The following ZNF121 variants were observed in gnomAD, a reference collection of about 807,000 sequenced individuals.
ZNF121 encodes zinc finger protein 121, also known as zinc finger protein 121 (clone ZHC32).
A neutral mutation model predicts 2.4 loss-of-function variants in ZNF121; 1 was observed. The observed-to-expected ratio is 0.41, with a 90% CI of 0.15 to 1.94. The LOEUF (loss-of-function observed/expected upper bound fraction) is 1.94. Ranked by LOEUF, ZNF121 falls within the 30% of genes most tolerant of loss-of-function variation. The probability of loss-of-function intolerance (pLI) is 0.30; values close to 1 mark genes in which losing one functional copy is unlikely to be tolerated. For synonymous variants in ZNF121, 173 were observed against 158.6 expected, an observed-to-expected ratio of 1.09 and a Z score of -0.68; for missense variants, 369 against 466.3, an observed-to-expected ratio of 0.79 and a Z score of 1.92.
At chr19:9,570,403 G>A (rs545861945) in intron 1 of ZNF121, among the ~76,000 whole-genome samples, 38 of 152,020 alleles carry the variant, frequency 2.5e-4, no homozygotes, top group Non-Finnish European at 4.3e-4. Context: ...CCACTCCCCC[G>A]CCCTTTGTTG....
intron 1 of ZNF121, among the ~76,000 whole-genome samples, chr19:9,571,848 C>T (rs1350279227): frequency 2.0e-5 from 3 of 152,130 alleles, no homozygotes; most frequent in East Asian, 1.9e-4. Context: ...TTCAAACTCC[C>T]GGGCTCAAGC....
intron 1 of ZNF121, among the ~76,000 whole-genome samples, chr19:9,572,730 C>T (rs2074182757): frequency 6.6e-6 from 1 of 152,156 alleles, no homozygotes; most frequent in African/African-American, 2.4e-5. Flanking sequence ...AAGATTCCAT[C>T]TAGTGCTGAA....
chr19:9,582,977 A>T (rs1239294159), intron 1 of ZNF121, among the ~76,000 whole-genome samples: 1 of 138,322 alleles, frequency 7.2e-6, no homozygotes, highest in African/African-American at 2.8e-5. Flanking sequence ...GCTCTTTGGG[A>T]GGCCGTCAGG....
Position 9,569,838 on chromosome 19 carries a change from C to CTT in ZNF121, c.-159-758_-159-757dup, listed in dbSNP as rs752091749. ...GTGAGCCACCACGCCTGGCCGAGAT[C>CTT]TTTTTTTTTTTTTTTTTTTTTACGA... is the stretch of plus-strand genomic sequence containing the variant. On this transcript the variant is annotated intron_variant, in intron 1 of 3. Transcript: ENST00000320451. 7.1e-3 allele frequency among the ~76,000 whole-genome samples: 831 copies of CTT among 117,630 alleles called. 9 individuals are homozygous for CTT. The highest frequency in any genetic ancestry group is 0.024 in the African/African-American group (779 of 32,992). The allele number at this position is 117,630 out of a possible 152,430, so 77.2% of individuals were successfully genotyped here.
chr19:9,573,605 AT>A (rs2074189107), intron 1 of ZNF121, among the ~76,000 whole-genome samples: 1 of 152,222 alleles, frequency 6.6e-6, no homozygotes, highest in Non-Finnish European at 1.5e-5. Context: ...AAATAACAAG[AT>A]TCCAAAAATT....
rs1028011029 is a variant in ZNF121, at chr19:9,564,841, A to G, written c.*1099T>C. 1.3e-5 allele frequency: 2 copies of G among 152,346 alleles called. No homozygotes were observed. The highest frequency in any genetic ancestry group is 2.9e-5 in the Non-Finnish European group (2 of 68,046). 9.4% of individuals were successfully genotyped at this position (152,346 alleles called of 1,614,324 possible). On this transcript the variant is annotated 3_prime_UTR_variant, in exon 4 of 4. Transcript: ENST00000320451. ...CATGTAATGAAGAGTCAATCAATGC[A>G]GCAATCTTCACTGCTGTCTTATTTT...
At chr19:9,568,061 T>C (rs373702031) in intron 3 of ZNF121, 34 bp downstream of exon 3, 16 of 1,536,426 alleles carry the variant, frequency 1.0e-5, no homozygotes, top group Non-Finnish European at 1.4e-5. Context: ...CCAATCTTTT[T>C]TTGAGTGTGG....
chr19:9,570,660 G>A (rs1464397209), intron 1 of ZNF121, among the ~76,000 whole-genome samples: 1 of 152,058 alleles, frequency 6.6e-6, no homozygotes, highest in Non-Finnish European at 1.5e-5. Flanking sequence ...TCCGCCTCCT[G>A]GGTTAAAGCG....
Position 9,565,977 on chromosome 19 carries a change from C to A in ZNF121, c.1136G>T (p.Arg379Ile). ...TAAATGTTTAGTAAGTAAATAAAATCTATTGTAGGCTTTCCCACATTCGTT... is the reference window on the plus strand; with the variant it reads ...TAAATGTTTAGTAAGTAAATAAAATATATTGTAGGCTTTCCCACATTCGTT... ...ICNECGKAYNRFYLLTKHLKT... is the reference protein window; with the variant it reads ...ICNECGKAYNIFYLLTKHLKT... Residue 379 changes from arginine to isoleucine, a missense_variant, in exon 4 of 4, where the codon AGA becomes ATA. By Grantham distance (97) the Arg-to-Ile change is moderately conservative. Around this residue, in one of 4 missense-constraint regions of ZNF121, gnomAD observed 127 missense variants for 169.9 expected, o/e 0.75. Coordinates refer to ENST00000320451, the MANE Select transcript of ZNF121 (RefSeq NM_001008727.5). 6.3e-7 allele frequency: 1 copy of A among 1,578,454 alleles called. No individual in the cohort carries two copies. The highest frequency in any genetic ancestry group is 8.6e-7 in the Non-Finnish European group (1 of 1,163,574).
chr19:9,563,052 C>CAAAAAAAAA lies in ZNF121; in HGVS notation c.*2879_*2887dup, dbSNP rs534403872. ...CCTGGGCAAAAGGGAGACCATGTCT[C>CAAAAAAAAA]AAAAAAAAAAAAAAAAAAAAAACTG... is the stretch of plus-strand genomic sequence containing the variant. On this transcript the variant is annotated 3_prime_UTR_variant, in exon 4 of 4. Transcript: ENST00000320451. 1.6e-5 allele frequency: 1 copy of CAAAAAAAAA among 64,330 alleles called. No individual in the cohort carries two copies. Among genetic ancestry groups the CAAAAAAAAA allele is most frequent in the African/African-American group, 5.3e-5 (1 of 18,712 alleles). 4.0% of individuals were successfully genotyped at this position (64,330 alleles called of 1,614,324 possible). A position where few individuals can be genotyped will look rare whatever the true frequency, so the allele number is the denominator to read the frequency against.
At position 9,568,044 on chromosome 19, in the gene ZNF121, T is replaced by A. The variant is rs551157677; in HGVS notation, c.3+51A>T. On this transcript the variant is annotated intron_variant, in intron 3 of 3. Transcript: ENST00000320451. ...TCTCATTTTTGCTGATTTTTTATAATTGAATCCCAATCTTTTTTTGAGTGT... is the reference window on the plus strand; with the variant it reads ...TCTCATTTTTGCTGATTTTTTATAAATGAATCCCAATCTTTTTTTGAGTGT... The A allele has an allele frequency of 2.4e-5, 36 of 1,518,008 alleles. No individual in the cohort carries two copies. The South Asian group carries it at 4.2e-4, about 18-fold the overall frequency. The allele number at this position is 1,518,008 out of a possible 1,614,324, so 94.0% of individuals were successfully genotyped here. A position where few individuals can be genotyped will look rare whatever the true frequency, so the allele number is the denominator to read the frequency against.
rs1209551073 is a variant in ZNF121 at position 9,561,456 on chromosome 19, C to G, written c.*4484G>C. On this transcript the variant is annotated 3_prime_UTR_variant, in exon 4 of 4. Coordinates refer to ENST00000320451, the MANE Select transcript of ZNF121 (RefSeq NM_001008727.5). ...TGGAAAAATATGTGCATCAAATTTA[C>G]AGTAGCTAACTACACCCCATAGATT... is the stretch of plus-strand genomic sequence containing the variant. The G allele has an allele frequency of 6.6e-6, 1 of 152,156 alleles. No homozygotes were observed. Among genetic ancestry groups the G allele is most frequent in the Non-Finnish European group, 1.5e-5 (1 of 68,030 alleles). The allele number at this position is 152,156 out of a possible 1,614,324, so 9.4% of individuals were successfully genotyped here. A position where few individuals can be genotyped will look rare whatever the true frequency, so the allele number is the denominator to read the frequency against.
chr19:9,567,617 TA>T, intron 3 of ZNF121: 1 of 307,976 alleles, frequency 3.2e-6, no homozygotes, highest in Non-Finnish European at 6.6e-6. Context: ...TATTACATTG[TA>T]ATATATAATG....
In ZNF121 at chr19:9,567,003, T is replaced by A; in HGVS notation, c.110A>T (p.Asp37Val). ...TCCATACTCATCACAGTCATAAGTG[T>A]CCCCTGTATTTTCAGTTCCCATGTG... ...NAHMGTENTG[D>V]TYDCDEYGEN... Residue 37 changes from aspartate to valine, a missense_variant, in exon 4 of 4, where the codon GAC becomes GTC. Physicochemically the swap from Asp to Val is radical, Grantham distance 152. This residue lies in a region of ZNF121 where 168 missense variants were observed against 162.3 expected (regional missense o/e 1.03). Transcript: ENST00000320451. 6 of 1,614,162 alleles carry A rather than the reference T, an allele frequency of 3.7e-6. No homozygotes were observed. Among genetic ancestry groups the A allele is most frequent in the Non-Finnish European group, 5.1e-6 (6 of 1,180,028 alleles).
intron 1 of ZNF121, among the ~76,000 whole-genome samples, chr19:9,570,131 A>G (rs574711949): frequency 1.3e-5 from 2 of 152,114 alleles, no homozygotes; most frequent in African/African-American, 4.8e-5. Context: ...GCTTTTACTC[A>G]GGAAGCAGAG....
chr19:9,573,298 T>G (rs1422158784), intron 1 of ZNF121, among the ~76,000 whole-genome samples: 3 of 152,060 alleles, frequency 2.0e-5, no homozygotes, highest in Non-Finnish European at 4.4e-5. Context: ...CAGAAATGTA[T>G]CAGAAAAAAC....
chr19:9,577,369 G>C (rs906605214), intron 1 of ZNF121, among the ~76,000 whole-genome samples: 4 of 152,036 alleles, frequency 2.6e-5, no homozygotes, highest in African/African-American at 9.7e-5. Flanking sequence ...AGAATCACTT[G>C]AACCCGGGAG....
rs1030890919 is a variant in ZNF121 at position 9,561,320 on chromosome 19, T to G, written c.*4620A>C. The G allele has an allele frequency of 2.6e-5, 4 of 152,116 alleles. 1 individual carries two copies. In the South Asian group the frequency reaches 8.3e-4, roughly 32 times the overall value. 9.4% of individuals were successfully genotyped at this position (152,116 alleles called of 1,614,324 possible). A position where few individuals can be genotyped will look rare whatever the true frequency, so the allele number is the denominator to read the frequency against. The stretch of plus-strand genomic sequence containing the variant: ...TTCTGAGTCTAGGGCTGGAGACAAA[T>G]GTACCATGAACAAACTGTTGCCCAG... On this transcript the variant is annotated 3_prime_UTR_variant, in exon 4 of 4. Coordinates refer to ENST00000320451, the MANE Select transcript of ZNF121 (RefSeq NM_001008727.5).
intron 1 of ZNF121, among the ~76,000 whole-genome samples, chr19:9,577,918 C>T (rs865891021): frequency 4.0e-5 from 6 of 150,666 alleles, no homozygotes; most frequent in Non-Finnish European, 3.0e-5. Flanking sequence ...GTGGGCCGGG[C>T]GTGGTGGCTC....
Sources: allele counts gnomAD v4.1 joint callset (sites outside exome capture counted in the v4.1 genomes callset), GRCh38; gene constraint gnomAD v4.1.1; regional missense constraint gnomAD v4.1.1; transcripts MANE v1.5; gene names NCBI Gene and HGNC (gene_info 2026-07-23, HGNC 2026-07-21).